GALNTL6: variants seen among roughly 807,000 people sequenced by gnomAD.
GALNTL6 encodes polypeptide N-acetylgalactosaminyltransferase-like 6.
GALNTL6 carries 46 observed loss-of-function variants against 73.7 expected under a neutral mutation model. The observed-to-expected ratio is 0.62, with a 90% CI of 0.49 to 0.80. The LOEUF is 0.80. Among genes scored for constraint, GALNTL6 ranks in the 30% least tolerant of loss-of-function variants. The probability of loss-of-function intolerance (pLI) is 0.00; values close to 1 mark genes in which losing one functional copy is unlikely to be tolerated. For missense variants in GALNTL6, 604 were observed against 755.0 expected (o/e 0.80, Z 2.34); for synonymous variants, 259 against 263.7 (o/e 0.98, Z 0.17).
intron 8 of GALNTL6, among the ~76,000 whole-genome samples, chr4:172,886,350 CAA>C (rs1745717791): frequency 6.6e-6 from 1 of 152,190 alleles, no homozygotes; most frequent in Non-Finnish European, 1.5e-5. Context: ...TGGTCTCTAA[CAA>C]TCCTTTGTAT....
At chr4:171,981,750 T>C (rs1739902745) in intron 2 of GALNTL6, among the ~76,000 whole-genome samples, 1 of 152,136 alleles carries the variant, frequency 6.6e-6, no homozygotes, top group African/African-American at 2.4e-5. Context: ...CAGTATACTT[T>C]TTTTCTGTTT....
chr4:172,271,590 T>C (rs1738655378), intron 3 of GALNTL6, among the ~76,000 whole-genome samples: 1 of 152,152 alleles, frequency 6.6e-6, no homozygotes, highest in African/African-American at 2.4e-5. Context: ...ATTTATAGGT[T>C]TATATATACA....
At chr4:172,161,003 G>A (rs1043890801) in intron 2 of GALNTL6, among the ~76,000 whole-genome samples, 15 of 151,546 alleles carry the variant, frequency 9.9e-5, no homozygotes, top group Admixed American at 6.6e-5. Context: ...GTATTGAGAG[G>A]TATGTTTAAA....
At chr4:172,886,584 T>C (rs12646359) in intron 8 of GALNTL6, among the ~76,000 whole-genome samples, 6,154 of 152,214 alleles carry the variant, frequency 0.04, 231 homozygotes, top group East Asian at 0.19. Flanking sequence ...ATGAACATGG[T>C]GAAACCCTGT....
Position 172,020,957 on chromosome 4 carries a change from G to A in GALNTL6, c.138+206239G>A, listed in dbSNP as rs909733981. Among the ~76,000 whole-genome samples, 3 of 152,010 alleles carry A rather than the reference G, an allele frequency of 2.0e-5. No homozygotes were observed. The East Asian group carries it at 5.8e-4, about 29-fold the overall frequency. ...CACATTGAAAAAGATCATTCATCAT[G>A]ACCATGTGGAATTTATCCCGGGGAT... On this transcript the variant is annotated intron_variant, in intron 2 of 12. Transcript: ENST00000506823.
chr4:172,114,626 C>T (rs1250094390), intron 2 of GALNTL6, among the ~76,000 whole-genome samples: 1 of 151,984 alleles, frequency 6.6e-6, no homozygotes, highest in Non-Finnish European at 1.5e-5. Flanking sequence ...AGTTATACGT[C>T]GGCACTGTGA....
chr4:172,888,296 C>T (rs1745839202), intron 8 of GALNTL6, among the ~76,000 whole-genome samples: 1 of 152,190 alleles, frequency 6.6e-6, no homozygotes, highest in Non-Finnish European at 1.5e-5. Context: ...CCTAGATTTT[C>T]TTCCATAATT....
chr4:172,589,763 A>C (rs572341763), intron 5 of GALNTL6, among the ~76,000 whole-genome samples: 1 of 152,358 alleles, frequency 6.6e-6, no homozygotes, highest in South Asian at 2.1e-4. Flanking sequence ...AATGAATGGC[A>C]TAGTACAACA....
intron 4 of GALNTL6, among the ~76,000 whole-genome samples, chr4:172,316,722 G>A (rs779670666): frequency 5.9e-5 from 9 of 152,100 alleles, no homozygotes; most frequent in East Asian, 3.9e-4. Context: ...GAAAACATTC[G>A]CTTTATTATT....
intron 5 of GALNTL6, among the ~76,000 whole-genome samples, chr4:172,489,924 T>A (rs576741080): frequency 6.6e-6 from 1 of 152,340 alleles, no homozygotes; most frequent in Admixed American, 6.5e-5. Flanking sequence ...GGATACAAAA[T>A]AATTAGATAC....
At chr4:172,340,105 A>G (rs1741508188) in intron 4 of GALNTL6, among the ~76,000 whole-genome samples, 1 of 152,172 alleles carries the variant, frequency 6.6e-6, no homozygotes, top group African/African-American at 2.4e-5. Context: ...ATTTTTCATA[A>G]TTGCATATAA....
intron 2 of GALNTL6, among the ~76,000 whole-genome samples, chr4:172,164,404 A>G (rs1579201666): frequency 6.6e-6 from 1 of 152,142 alleles, no homozygotes; most frequent in South Asian, 2.1e-4. Flanking sequence ...AATTTTCATT[A>G]GGATGTATTT....
chr4:171,996,525 AG>A (rs1305995432), intron 2 of GALNTL6, among the ~76,000 whole-genome samples: 5 of 152,064 alleles, frequency 3.3e-5, no homozygotes, highest in African/African-American at 1.2e-4. Flanking sequence ...TATAATTAAA[AG>A]CAAGACTGTG....
intron 2 of GALNTL6, among the ~76,000 whole-genome samples, chr4:172,022,493 C>T (rs191896292): frequency 3.3e-5 from 5 of 152,176 alleles, no homozygotes; most frequent in African/African-American, 9.6e-5. Flanking sequence ...GGCCAGTTCA[C>T]TTTCTGACTC....
chr4:172,741,100 T>C (rs1410151656), intron 5 of GALNTL6, among the ~76,000 whole-genome samples: 6 of 152,064 alleles, frequency 3.9e-5, no homozygotes, highest in Non-Finnish European at 8.8e-5. Flanking sequence ...TGTTGAATCA[T>C]TGACCTTAAA....
rs1345118597 is a variant in GALNTL6 at position 172,751,137 on chromosome 4, C to T, written c.554-58224C>T. Among the ~76,000 whole-genome samples, 3 of 152,092 alleles carry T rather than the reference C, an allele frequency of 2.0e-5. No individual in the cohort carries two copies. The East Asian group carries it at 5.8e-4, about 29-fold the overall frequency. ...TTCTATACTGGGATTTTACCTTTTA[C>T]GCATATGGAAGTGATAGAAACAAAA... On this transcript the variant is annotated intron_variant, in intron 5 of 12. Coordinates refer to ENST00000506823, the MANE Select transcript of GALNTL6 (RefSeq NM_001034845.3).
At position 172,528,428 on chromosome 4, in the gene GALNTL6, G is replaced by T. The variant is rs1486079459; in HGVS notation, c.553+179739G>T. ...GCTGGAGTGCAGTGGCATGATCTCG[G>T]CTCACTGCAACCTCTGCCTCCCAGG... is the stretch of plus-strand genomic sequence containing the variant. On this transcript the variant is annotated intron_variant, in intron 5 of 12. Transcript: ENST00000506823. Among the ~76,000 whole-genome samples the T allele has an allele frequency of 6.8e-5, 10 of 147,360 alleles. No individual in the cohort carries two copies. The Admixed American group carries it at 6.9e-4, about 10-fold the overall frequency.
rs149514314 is a variant in GALNTL6 at position 172,346,350 on chromosome 4, A to G, written c.387-2173A>G. Among the ~76,000 whole-genome samples, 302 of 152,228 alleles carry G rather than the reference A, an allele frequency of 2.0e-3. 5 individuals are homozygous for G. The East Asian group carries it at 0.04, about 20-fold the overall frequency. ...TTGCTCTCATTATTTGAAACCTTCA[A>G]TATGTCCCTCACACAGGCTCCTATG... On this transcript the variant is annotated intron_variant, in intron 4 of 12. Transcript: ENST00000506823.
At chr4:172,272,936 G>A (rs2111061729) in intron 3 of GALNTL6, among the ~76,000 whole-genome samples, 1 of 150,628 alleles carries the variant, frequency 6.6e-6, no homozygotes, top group South Asian at 2.1e-4. Flanking sequence ...AGAGAGATTT[G>A]TCAATACAAA....
Sources: gnomAD v4.1 joint callset for allele counts (sites outside exome capture counted in the v4.1 genomes callset) on GRCh38, gnomAD v4.1.1 for gene constraint, MANE v1.5 for transcripts, NCBI Gene and HGNC (gene_info 2026-07-23, HGNC 2026-07-21) for gene names.